CAB39L: variants seen among roughly 807,000 people sequenced by gnomAD.
The protein encoded by CAB39L is calcium binding protein 39 like.
A neutral mutation model predicts 39.1 loss-of-function variants in CAB39L; 23 were observed. The ratio of observed to expected loss-of-function variants is 0.59; its 90% CI spans 0.42 to 0.83. The LOEUF (loss-of-function observed/expected upper bound fraction) is 0.83, where lower values mean the gene tolerates loss of function less well. CAB39L is among the 40% of genes least tolerant of loss of function. CAB39L has a pLI of 0.00. For synonymous variants in CAB39L, 126 were observed against 137.2 expected (o/e 0.92, Z 0.57); for missense variants, 366 against 391.9 (o/e 0.93, Z 0.56).
chr13:49,398,549 A>G (rs942782210), intron 3 of CAB39L, among the ~76,000 whole-genome samples: 15 of 152,230 alleles, frequency 9.9e-5, no homozygotes, highest in African/African-American at 3.6e-4. Flanking sequence ...TACTTTTTAC[A>G]TAAGATTTAC....
chr13:49,324,282 A>C (rs1954437126), intron 10 of CAB39L, among the ~76,000 whole-genome samples: 1 of 152,256 alleles, frequency 6.6e-6, no homozygotes, highest in South Asian at 2.1e-4. Flanking sequence ...ACACCACTGC[A>C]CTCAAGCCTG....
chr13:49,339,051 T>A (rs1954927150), intron 9 of CAB39L, among the ~76,000 whole-genome samples: 1 of 151,494 alleles, frequency 6.6e-6, no homozygotes. Flanking sequence ...TACTCAAAAA[T>A]ACAGATATTA....
In CAB39L at chr13:49,414,894, T is replaced by TA. The variant is rs765030478; in HGVS notation, c.-32+18423dup. ...CTTTGTTTCGCCATTAAGTAGGCATTAAAAAAAAATGTAGGCTTGCTGGGC... is the reference window on the plus strand; with the variant it reads ...CTTTGTTTCGCCATTAAGTAGGCATTAAAAAAAAAATGTAGGCTTGCTGGGC... On this transcript the variant is annotated intron_variant, in intron 3 of 10. Transcript: ENST00000409308. 3.4e-3 allele frequency among the ~76,000 whole-genome samples: 510 copies of TA among 150,688 alleles called. 1 individual carries two copies. The highest frequency in any genetic ancestry group is 6.8e-3 in the Middle Eastern group (2 of 292).
At chr13:49,414,520 T>A (rs1257603310) in intron 3 of CAB39L, among the ~76,000 whole-genome samples, 1 of 152,144 alleles carries the variant, frequency 6.6e-6, no homozygotes, top group Non-Finnish European at 1.5e-5. Flanking sequence ...TTGAATAAAT[T>A]ATGTTATGCT....
chr13:49,316,129 AAAAG>A (rs777090162), intron 10 of CAB39L, among the ~76,000 whole-genome samples: 9 of 152,170 alleles, frequency 5.9e-5, no homozygotes, highest in Non-Finnish European at 7.3e-5. Flanking sequence ...ATTGACTAAG[AAAAG>A]AAAGAAGACT....
At chr13:49,412,297 A>G (rs1391278271) in intron 3 of CAB39L, among the ~76,000 whole-genome samples, 1 of 152,178 alleles carries the variant, frequency 6.6e-6, no homozygotes, top group Non-Finnish European at 1.5e-5. Flanking sequence ...CTCCTTGGAA[A>G]AAAAGCCATA....
intron 3 of CAB39L, chr13:49,401,210 C>T (rs951190629): frequency 2.0e-5 from 3 of 152,146 alleles, no homozygotes; most frequent in African/African-American, 7.2e-5. Flanking sequence ...ACAGCTCTTT[C>T]TTGAGCTCAA....
At chr13:49,380,416 A>T (rs376358689) in intron 4 of CAB39L, among the ~76,000 whole-genome samples, 1 of 35,400 alleles carries the variant, frequency 2.8e-5, no homozygotes, top group African/African-American at 2.7e-4. Flanking sequence ...TATGAAACTT[A>T]AAAAAAACTC....
chr13:49,380,819 A>G (rs1956238930), intron 4 of CAB39L, among the ~76,000 whole-genome samples: 1 of 152,246 alleles, frequency 6.6e-6, no homozygotes, highest in Admixed American at 6.5e-5. Flanking sequence ...GGAAATGAGT[A>G]GAATAAGGCA....
At position 49,345,375 on chromosome 13, in the gene CAB39L, C is replaced by T. The variant is rs141456209; in HGVS notation, c.565-1137G>A. 1.3e-3 allele frequency among the ~76,000 whole-genome samples: 204 copies of T among 152,118 alleles called. 1 individual carries two copies. Among genetic ancestry groups the T allele is most frequent in the African/African-American group, 4.7e-3 (196 of 41,512 alleles). On this transcript the variant is annotated intron_variant, in intron 7 of 10. Coordinates refer to ENST00000409308, the MANE Select transcript of CAB39L (RefSeq NM_001079670.3). ...AAATAATAAGAGTGGCTCTTAATTC[C>T]CTATTGCTATCACACAACTTGATCA...
chr13:49,319,275 C>T (rs773710800), intron 10 of CAB39L, among the ~76,000 whole-genome samples: 18 of 151,964 alleles, frequency 1.2e-4, no homozygotes, highest in Admixed American at 2.6e-4. Context: ...AAAAGAATGA[C>T]GTGCTGATGG....
At position 49,437,099 on chromosome 13, in the gene CAB39L, T is replaced by C. The variant is rs571909063; in HGVS notation, c.-245-2876A>G. Among the ~76,000 whole-genome samples the C allele has an allele frequency of 2.0e-5, 3 of 152,306 alleles. No homozygotes were observed. The South Asian group carries it at 6.2e-4, about 32-fold the overall frequency. On this transcript the variant is annotated intron_variant, in intron 1 of 10. Transcript: ENST00000409308. The stretch of plus-strand genomic sequence containing the variant: ...TTGAAATGTTTTGACTATCATTTTG[T>C]TTTCCAGCTAAAGTAACTTTATATG...
At chr13:49,329,638 A>G (rs1954630585) in intron 10 of CAB39L, among the ~76,000 whole-genome samples, 1 of 146,266 alleles carries the variant, frequency 6.8e-6, no homozygotes, top group Admixed American at 7.0e-5. Flanking sequence ...ATCAACTAAA[A>G]ATGTCTTACT....
chr13:49,328,495 T>C (rs1198032354), intron 10 of CAB39L, among the ~76,000 whole-genome samples: 1 of 152,216 alleles, frequency 6.6e-6, no homozygotes, highest in Non-Finnish European at 1.5e-5. Context: ...AGTTTATGAT[T>C]TCTTTTTTGA....
rs1197781707 is a variant in CAB39L, at chr13:49,329,542, AAAATATATATATATATATATATATATAT to A, written c.834+2377_834+2404del. On this transcript the variant is annotated intron_variant, in intron 10 of 10. Transcript: ENST00000409308. ...CTACATATCTCTTCAATTAAAAAAA[AAAATATATATATATATATATATATATAT>A]ATATATATATATATATATATATATA... Among the ~76,000 whole-genome samples, 18 of 38,426 alleles carry A rather than the reference AAAATATATATATATATATATATATATAT, an allele frequency of 4.7e-4. 1 individual carries two copies. The highest frequency in any genetic ancestry group is 2.2e-3 in the African/African-American group (15 of 6,884). 25.2% of individuals were successfully genotyped at this position (38,426 alleles called of 152,430 possible). A position where few individuals can be genotyped will look rare whatever the true frequency, so the allele number is the denominator to read the frequency against.
rs545224177 is a variant in CAB39L at position 49,309,573 on chromosome 13, C to A, written c.*1241G>T. ...TTCTTGTAAAATATCGCTTTAAAAT[C>A]CCGTTTTAGATGGTTGATGTCTGAA... is the stretch of plus-strand genomic sequence containing the variant. On this transcript the variant is annotated 3_prime_UTR_variant, in exon 11 of 11. Coordinates refer to ENST00000409308, the MANE Select transcript of CAB39L (RefSeq NM_001079670.3). 2 of 152,278 alleles carry A rather than the reference C, an allele frequency of 1.3e-5. No individual in the cohort carries two copies. The highest frequency in any genetic ancestry group is 4.8e-5 in the African/African-American group (2 of 41,564). The allele number at this position is 152,278 out of a possible 1,614,324, so 9.4% of individuals were successfully genotyped here.
intron 3 of CAB39L, among the ~76,000 whole-genome samples, chr13:49,415,219 A>C (rs1433570648): frequency 6.6e-6 from 1 of 151,318 alleles, no homozygotes; most frequent in Non-Finnish European, 1.5e-5. Context: ...AAATAAAAAT[A>C]AAAAATAAAA....
At chr13:49,353,523 T>C (rs1955411827) in intron 6 of CAB39L, among the ~76,000 whole-genome samples, 1 of 152,086 alleles carries the variant, frequency 6.6e-6, no homozygotes, top group Admixed American at 6.6e-5. Context: ...CCTCATTCCC[T>C]CAATTGGAAT....
intron 10 of CAB39L, among the ~76,000 whole-genome samples, chr13:49,326,472 G>A (rs187653969): frequency 2.8e-4 from 43 of 152,278 alleles, no homozygotes; most frequent in Admixed American, 2.3e-3. Context: ...GAGCCTATTA[G>A]CAGGCTAATG....
Sources: gnomAD v4.1 joint callset for allele counts (sites outside exome capture counted in the v4.1 genomes callset) on GRCh38, gnomAD v4.1.1 for gene constraint, MANE v1.5 for transcripts, NCBI Gene and HGNC (gene_info 2026-07-23, HGNC 2026-07-21) for gene names.